WIPI1: variants seen among roughly 807,000 people sequenced by gnomAD.
The protein encoded by WIPI1 is WD repeat domain phosphoinositide-interacting protein 1.
WIPI1 carries 45 observed loss-of-function variants against 55.3 expected under a neutral mutation model. That is an observed-to-expected ratio of 0.81 (90% CI 0.64 to 1.04). WIPI1 has a LOEUF of 1.04. Among genes scored for constraint, WIPI1 ranks in the 50% least tolerant of loss-of-function variants. WIPI1 has a pLI of 0.00. For synonymous variants in WIPI1, 195 were observed against 217.6 expected, an observed-to-expected ratio of 0.90 and a Z score of 0.92; for missense variants, 445 against 559.0, an observed-to-expected ratio of 0.80 and a Z score of 2.06.
chr17:68,426,048 GC>G, intron 12 of WIPI1, 26 bp downstream of exon 12: 2 of 1,597,550 alleles, frequency 1.3e-6, no homozygotes, highest in Non-Finnish European at 1.7e-6. Context: ...AGACTGAGCC[GC>G]CCAGTTACGG....
intron 5 of WIPI1, among the ~76,000 whole-genome samples, chr17:68,435,918 C>T (rs921299974): frequency 2.6e-5 from 4 of 152,252 alleles, no homozygotes; most frequent in Non-Finnish European, 4.4e-5. Flanking sequence ...ATTTCCATCC[C>T]TTTTCCTGCC....
At position 68,430,171 on chromosome 17, in the gene WIPI1, A is replaced by C. The variant is rs564997601; in HGVS notation, c.801-11T>G. The C allele has an allele frequency of 6.2e-7, 1 of 1,608,106 alleles. No homozygotes were observed. Among genetic ancestry groups the C allele is most frequent in the South Asian group, 1.1e-5 (1 of 90,652 alleles). On this transcript the variant is annotated splice_polypyrimidine_tract_variant and intron_variant, in intron 8 of 12. Coordinates refer to ENST00000262139, the MANE Select transcript of WIPI1 (RefSeq NM_017983.7). ...GGCTCTTCTGGTCGACTAGGGAGTA[A>C]TGCACAGGCAACGATGGGACTGGGC... is the stretch of plus-strand genomic sequence containing the variant.
Position 68,421,785 on chromosome 17 carries a change from C to T in WIPI1, c.1329G>A (p.Thr443=), listed in dbSNP as rs143140009. ...GGTGTGCTTCTCATCATGACTGCTT[C>T]GTTTTGCCCTTCTGATTTCCACGGC... The part of the protein sequence containing the change: ...ILCRGNQKGK[T]KQS The change falls in exon 13 of 13, where the codon ACG becomes ACA. Residue 443 remains threonine (T), a synonymous_variant. Transcript: ENST00000262139. 7.2e-5 allele frequency: 117 copies of T among 1,614,170 alleles called. 1 individual carries two copies. In the African/African-American group the frequency reaches 1.3e-3, roughly 18 times the overall value.
intron 11 of WIPI1, 70 bp downstream of exon 11, chr17:68,427,065 G>A: frequency 2.3e-6 from 3 of 1,281,268 alleles, no homozygotes; most frequent in Non-Finnish European, 3.4e-6. Flanking sequence ...GAAGGGGAGG[G>A]AGCGTGCAGG....
intron 11 of WIPI1, 63 bp downstream of exon 11, chr17:68,427,049 AAGGGGGAAGGGGAGGGAGCGTGC>A: frequency 8.9e-7 from 1 of 1,124,516 alleles, no homozygotes. Context: ...GGTAACAGTG[AAGGGGGAAGGGGAGGGAGCGTGC>A]AGGGAGAAGG....
intron 12 of WIPI1, among the ~76,000 whole-genome samples, chr17:68,424,758 T>C (rs1600244000): frequency 6.6e-6 from 1 of 152,094 alleles, no homozygotes; most frequent in South Asian, 2.1e-4. Context: ...ACATCTGTAA[T>C]TGCAGCTACT....
At chr17:68,438,882 G>A (rs2083952021) in intron 4 of WIPI1, among the ~76,000 whole-genome samples, 1 of 152,230 alleles carries the variant, frequency 6.6e-6, no homozygotes, top group African/African-American at 2.4e-5. Flanking sequence ...TTACAGGCGT[G>A]AGCCATCGTG....
At chr17:68,429,748 C>T (rs1349934911) in intron 9 of WIPI1, among the ~76,000 whole-genome samples, 1 of 152,062 alleles carries the variant, frequency 6.6e-6, no homozygotes, top group Non-Finnish European at 1.5e-5. Context: ...ACCACCATAC[C>T]CGGCTAATTT....
At position 68,435,767 on chromosome 17, in the gene WIPI1, T is replaced by A. The variant is rs1326982473; in HGVS notation, c.529-55A>T. On this transcript the variant is annotated intron_variant, in intron 5 of 12. Transcript: ENST00000262139. Reference sequence around the variant, plus strand: ...ATGCTGCGGAGGAGGGAAGATGGATTTCACCTCCCTCCCCTTCCTCTTTTC... The same window carrying A: ...ATGCTGCGGAGGAGGGAAGATGGATATCACCTCCCTCCCCTTCCTCTTTTC... 4 of 1,489,504 alleles carry A rather than the reference T, an allele frequency of 2.7e-6. No individual in the cohort carries two copies. The East Asian group carries it at 9.0e-5, about 34-fold the overall frequency. 92.3% of individuals were successfully genotyped at this position (1,489,504 alleles called of 1,614,324 possible). A position where few individuals can be genotyped will look rare whatever the true frequency, so the allele number is the denominator to read the frequency against.
intron 4 of WIPI1, among the ~76,000 whole-genome samples, chr17:68,443,147 G>T (rs1005408973): frequency 9.9e-5 from 15 of 152,104 alleles, no homozygotes; most frequent in African/African-American, 3.1e-4. Flanking sequence ...GTCTCGATCT[G>T]TTGCCCAGGC....
At chr17:68,422,041 C>G in intron 12 of WIPI1, 1 of 587,888 alleles carries the variant, frequency 1.7e-6, no homozygotes, top group South Asian at 2.0e-5. Context: ...ATAAAAATGT[C>G]TCTGTGTGTG....
At chr17:68,437,948 TAAAAAAAAAAA>T (rs199649033) in intron 4 of WIPI1, among the ~76,000 whole-genome samples, 4 of 78,806 alleles carry the variant, frequency 5.1e-5, no homozygotes, top group Non-Finnish European at 1.0e-4. Flanking sequence ...ACATCTCTCT[TAAAAAAAAAAA>T]AAAAAAAAAA....
intron 1 of WIPI1, among the ~76,000 whole-genome samples, chr17:68,453,560 C>T (rs1762222313): frequency 6.6e-6 from 1 of 150,594 alleles, no homozygotes; most frequent in Admixed American, 6.6e-5. Flanking sequence ...CTCACTCCAA[C>T]CTCCGCCTCC....
Position 68,426,254 on chromosome 17 carries a change from G to C in WIPI1, c.1193-79C>G. On this transcript the variant is annotated intron_variant, in intron 11 of 12. Transcript: ENST00000262139. ...ATGACCTGGCGGGTGGGGAGCGGGG[G>C]CTCAAATAAAGGGCAAAGGAAGCAA... 1.1e-5 allele frequency: 9 copies of C among 816,896 alleles called. 1 individual carries two copies. The highest frequency in any genetic ancestry group is 3.5e-5 in the East Asian group (1 of 28,660). The allele number at this position is 816,896 out of a possible 1,614,324, so 50.6% of individuals were successfully genotyped here.
chr17:68,438,916 A>T (rs2083954197), intron 4 of WIPI1, among the ~76,000 whole-genome samples: 1 of 152,292 alleles, frequency 6.6e-6, no homozygotes, highest in African/African-American at 2.4e-5. Context: ...ATATGTTTTT[A>T]AAAAGGCTGT....
chr17:68,444,359 C>G, intron 4 of WIPI1, 134 bp downstream of exon 4: 1 of 763,218 alleles, frequency 1.3e-6, no homozygotes, highest in Non-Finnish European at 2.2e-6. Context: ...TAAGACAAAG[C>G]TTCGAGATAA....
intron 3 of WIPI1, among the ~76,000 whole-genome samples, chr17:68,447,317 G>C (rs1257223291): frequency 6.6e-6 from 1 of 152,180 alleles, no homozygotes; most frequent in African/African-American, 2.4e-5. Context: ...CAATACAAGA[G>C]AAATAACATT....
At chr17:68,440,629 T>G (rs1439226320) in intron 4 of WIPI1, 2 of 152,216 alleles carry the variant, frequency 1.3e-5, no homozygotes, top group Non-Finnish European at 2.9e-5. Flanking sequence ...GTGTTATAGC[T>G]TGACACATAT....
chr17:68,426,254 G>GGGGGGTC, intron 11 of WIPI1, 79 bp from the exon 12 acceptor site: 1 of 816,924 alleles, frequency 1.2e-6, no homozygotes, highest in Non-Finnish European at 1.9e-6. Context: ...GGGAGCGGGG[G>GGGGGGTC]CTCAAATAAA....
Sources: gnomAD v4.1 joint callset for allele counts (sites outside exome capture counted in the v4.1 genomes callset) on GRCh38, gnomAD v4.1.1 for gene constraint, MANE v1.5 for transcripts, NCBI Gene and HGNC (gene_info 2026-07-23, HGNC 2026-07-21) for gene names.